Variants in SH3BP5L observed in about 807,000 individuals in gnomAD.
SH3BP5L encodes the protein SH3 domain-binding protein 5-like.
A neutral mutation model predicts 40.9 loss-of-function variants in SH3BP5L; 16 were observed. The observed-to-expected ratio is 0.39, with a 90% CI of 0.27 to 0.59. The LOEUF (loss-of-function observed/expected upper bound fraction) is 0.59, where lower values mean the gene tolerates loss of function less well. SH3BP5L is among the 20% of genes least tolerant of loss of function. The pLI is 0.53. For missense variants in SH3BP5L, 471 were observed against 544.6 expected (o/e 0.86, Z 1.35); for synonymous variants, 229 against 226.7 (o/e 1.01, Z -0.09).
rs1403344726 is a variant in SH3BP5L, at chr1:248,816,461, C to A, written c.375+73G>T. 2.5e-6 allele frequency: 4 copies of A among 1,589,998 alleles called. No individual in the cohort carries two copies. In the African/African-American group the frequency reaches 5.4e-5, roughly 21 times the overall value. ...AGGGTCTGGTGTTTTGTCTCTCACTCCATATAGAGACAGAAGAATCCAGGG... is the reference window on the plus strand; with the variant it reads ...AGGGTCTGGTGTTTTGTCTCTCACTACATATAGAGACAGAAGAATCCAGGG... On this transcript the variant is annotated intron_variant, in intron 4 of 6. Transcript: ENST00000366472.
Position 248,811,948 on chromosome 1 carries a change from G to C in SH3BP5L, c.1134C>G (p.Ser378Arg). The C allele has an allele frequency of 6.4e-7, 1 of 1,564,146 alleles. No homozygotes were observed. Among genetic ancestry groups the C allele is most frequent in the Admixed American group, 1.9e-5 (1 of 52,126 alleles). The change falls in exon 7 of 7, where the codon AGC becomes AGG. Residue 378 changes from serine to arginine, a missense_variant. Transcript: ENST00000366472. ...LGTRSGGRRG[S>R]DGGARGGRHQ... Reference sequence around the variant, plus strand: ...GCCGACCCCCACGGGCTCCGCCGTCGCTGCCCCGGCGCCCTCCACTCCGCG... The same window carrying C: ...GCCGACCCCCACGGGCTCCGCCGTCCCTGCCCCGGCGCCCTCCACTCCGCG...
At chr1:248,813,253 G>A (rs905146046) in intron 5 of SH3BP5L, 91 bp from the exon 6 acceptor site, 2 of 1,349,364 alleles carry the variant, frequency 1.5e-6, no homozygotes, top group Non-Finnish European at 1.9e-6. Flanking sequence ...GCCCTGGGGG[G>A]AACCCAAACA....
Position 248,813,110 on chromosome 1 carries a change from A to G in SH3BP5L, c.590T>C (p.Val197Ala). 5 of 1,609,852 alleles carry G rather than the reference A, an allele frequency of 3.1e-6. No individual in the cohort carries two copies. The highest frequency in any genetic ancestry group is 2.5e-6 in the Non-Finnish European group (3 of 1,177,972). The change falls in exon 6 of 7, where the codon GTG becomes GCG. Residue 197 changes from valine (V) to alanine (A), a missense_variant. Coordinates refer to ENST00000366472, the MANE Select transcript of SH3BP5L (RefSeq NM_030645.3). ...RLRGEREHQR[V>A]TRLCQQAEAR... Reference sequence around the variant, plus strand: ...CTCAGCCTGTTGGCACAGCCGAGTCACTCGCTGGTGCTCCCGCTCACCTCG... The same window carrying G: ...CTCAGCCTGTTGGCACAGCCGAGTCGCTCGCTGGTGCTCCCGCTCACCTCG...
chr1:248,819,654 G>C (rs926597203), intron 2 of SH3BP5L, among the ~76,000 whole-genome samples: 1 of 132,860 alleles, frequency 7.5e-6, no homozygotes, highest in East Asian at 2.3e-4. Flanking sequence ...AGTGGTCTGA[G>C]ATTGTGCCAC....
chr1:248,825,840 T>C lies in SH3BP5L; in HGVS notation c.-437A>G. 1 of 981,392 alleles carries C rather than the reference T, an allele frequency of 1.0e-6. No homozygotes were observed. The highest frequency in any genetic ancestry group is 1.2e-6 in the Non-Finnish European group (1 of 826,772). The allele number at this position is 981,392 out of a possible 1,614,324, so 60.8% of individuals were successfully genotyped here. A position where few individuals can be genotyped will look rare whatever the true frequency, so the allele number is the denominator to read the frequency against. On this transcript the variant is annotated 5_prime_UTR_variant, in exon 1 of 7. Transcript: ENST00000366472. The stretch of plus-strand genomic sequence containing the variant: ...AGCCCCCCGCACAGCCTTACCTCAG[T>C]TTACCTTCCCGTCCGCGGAGCTTCT...
At position 248,811,947 on chromosome 1, in the gene SH3BP5L, C is replaced by G; in HGVS notation, c.1135G>C (p.Asp379His). 6.4e-7 allele frequency: 1 copy of G among 1,563,738 alleles called. No homozygotes were observed. Among genetic ancestry groups the G allele is most frequent in the East Asian group, 2.3e-5 (1 of 42,674 alleles). Reference sequence around the variant, plus strand: ...TGCCGACCCCCACGGGCTCCGCCGTCGCTGCCCCGGCGCCCTCCACTCCGC... The same window carrying G: ...TGCCGACCCCCACGGGCTCCGCCGTGGCTGCCCCGGCGCCCTCCACTCCGC... ...GTRSGGRRGSDGGARGGRHQR... is the reference protein window; with the variant it reads ...GTRSGGRRGSHGGARGGRHQR... Residue 379 changes from aspartate (D) to histidine (H), a missense_variant, in exon 7 of 7, where the codon GAC (aspartate) becomes CAC (histidine). Coordinates refer to ENST00000366472, the MANE Select transcript of SH3BP5L (RefSeq NM_030645.3).
At chr1:248,818,221 A>G (rs1237496761) in intron 2 of SH3BP5L, among the ~76,000 whole-genome samples, 1 of 152,072 alleles carries the variant, frequency 6.6e-6, no homozygotes, top group Non-Finnish European at 1.5e-5. Flanking sequence ...GGTGGCACAC[A>G]TCTATAATCC....
chr1:248,813,105 G>T lies in SH3BP5L; in HGVS notation c.595C>A (p.Arg199=). 6.2e-7 allele frequency: 1 copy of T among 1,611,272 alleles called. No homozygotes were observed. The highest frequency in any genetic ancestry group is 8.5e-7 in the Non-Finnish European group (1 of 1,178,546). ...CGAGCCTCAGCCTGTTGGCACAGCC[G>T]AGTCACTCGCTGGTGCTCCCGCTCA... ...RGEREHQRVT[R]LCQQAEARVQ... The change falls in exon 6 of 7, where the codon CGG becomes AGG. Residue 199 remains arginine, a synonymous_variant. Coordinates refer to ENST00000366472, the MANE Select transcript of SH3BP5L (RefSeq NM_030645.3).
chr1:248,817,123 C>T, intron 2 of SH3BP5L: 1 of 1,337,020 alleles, frequency 7.5e-7, no homozygotes, highest in East Asian at 2.7e-5. Context: ...AGTAAAACCC[C>T]AGTTTCAAGG....
Position 248,811,917 on chromosome 1 carries a change from G to C in SH3BP5L, c.1165C>G (p.Arg389Gly). Residue 389 changes from arginine to glycine, a missense_variant, in exon 7 of 7, where the codon CGC becomes GGC. Physicochemically the swap from Arg to Gly is moderately radical, Grantham distance 125. Coordinates refer to ENST00000366472, the MANE Select transcript of SH3BP5L (RefSeq NM_030645.3). ...CCCCTCGGCTACAGGCTGACGCTGC[G>C]CTGGTGCCGACCCCCACGGGCTCCG... ...DGGARGGRHQ[R>G]SVSL 1.3e-6 allele frequency: 2 copies of C among 1,537,962 alleles called. No homozygotes were observed. The highest frequency in any genetic ancestry group is 8.8e-7 in the Non-Finnish European group (1 of 1,140,074).
At chr1:248,824,121 G>C (rs1303725964) in intron 2 of SH3BP5L, among the ~76,000 whole-genome samples, 3 of 152,154 alleles carry the variant, frequency 2.0e-5, no homozygotes, top group East Asian at 1.9e-4. Context: ...ACTATCCTGA[G>C]GGCCAGGTAT....
rs762518138 is a variant in SH3BP5L at position 248,812,098 on chromosome 1, G to T, written c.984C>A (p.Pro328=). 1.6e-5 allele frequency: 25 copies of T among 1,611,524 alleles called. No individual in the cohort carries two copies. The highest frequency in any genetic ancestry group is 2.0e-5 in the Non-Finnish European group (23 of 1,178,824). ...EGSSLGPGPA[P]DTDTLSLLSL... is the part of the protein sequence containing the mutation. Reference sequence around the variant, plus strand: ...TCAGCAGACTCAGGGTATCGGTGTCGGGGGCGGGGCCGGGCCCCAGGCTGC... The same window carrying T: ...TCAGCAGACTCAGGGTATCGGTGTCTGGGGCGGGGCCGGGCCCCAGGCTGC... The change falls in exon 7 of 7, where the codon CCC becomes CCA. Residue 328 remains proline (P), a synonymous_variant. Coordinates refer to ENST00000366472, the MANE Select transcript of SH3BP5L (RefSeq NM_030645.3). This position sits in a 1 kb window ranked among gnomAD's most constrained non-coding sequence, Gnocchi z 6.1.
chr1:248,820,897 G>C (rs1664240351), intron 2 of SH3BP5L: 1 of 152,246 alleles, frequency 6.6e-6, no homozygotes, highest in African/African-American at 2.4e-5. Flanking sequence ...GGATGGCTCA[G>C]CATAAGTTGT....
In SH3BP5L at chr1:248,825,135, G is replaced by A; in HGVS notation, c.-200C>T. The A allele has an allele frequency of 2.9e-6, 4 of 1,378,502 alleles. No individual in the cohort carries two copies. Among genetic ancestry groups the A allele is most frequent in the Non-Finnish European group, 3.7e-6 (4 of 1,069,882 alleles). 85.4% of individuals were successfully genotyped at this position (1,378,502 alleles called of 1,614,324 possible). ...AGTTGTCAGTGGGGTTCCTAGAGCT[G>A]AAGCCTTGTCTGTGCAAAAGTTCTT... On this transcript the variant is annotated 5_prime_UTR_variant, in exon 2 of 7. Transcript: ENST00000366472.
chr1:248,819,389 T>A, intron 2 of SH3BP5L, among the ~76,000 whole-genome samples: 1 of 146,118 alleles, frequency 6.8e-6, no homozygotes. Context: ...TAACTACAGC[T>A]GATGAGCTTA....
In SH3BP5L at chr1:248,825,881, T is replaced by TGGGG; in HGVS notation, c.-479_-478insCCCC. The TGGGG allele has an allele frequency of 1.1e-6, 1 of 941,906 alleles. No homozygotes were observed. Among genetic ancestry groups the TGGGG allele is most frequent in the Non-Finnish European group, 1.3e-6 (1 of 794,254 alleles). The allele number at this position is 941,906 out of a possible 1,614,324, so 58.3% of individuals were successfully genotyped here. On this transcript the variant is annotated 5_prime_UTR_variant, in exon 1 of 7. Transcript: ENST00000366472. ...CGGAGCTTCTATGCTGCAAACAATC[T>TGGGG]CCCCCCCTCCCTCCCCGCAACAAGC...
At chr1:248,815,091 C>T (rs894268592) in intron 4 of SH3BP5L, among the ~76,000 whole-genome samples, 10 of 152,116 alleles carry the variant, frequency 6.6e-5, no homozygotes, top group Admixed American at 3.3e-4. Flanking sequence ...TATAGGACAT[C>T]GGTTAAATAA....
chr1:248,814,881 GGGAAAACAAA>G (rs1365211675), intron 4 of SH3BP5L: 6 of 565,142 alleles, frequency 1.1e-5, no homozygotes, highest in Non-Finnish European at 2.0e-5. Context: ...TTTTCCCCTA[GGGAAAACAAA>G]GGAAAACACA....
At chr1:248,814,755 C>T (rs756219604) in intron 4 of SH3BP5L, 145 bp from the exon 5 acceptor site, 18 of 797,984 alleles carry the variant, frequency 2.3e-5, no homozygotes, top group Non-Finnish European at 3.9e-5. Flanking sequence ...AGGATAAATG[C>T]CAAGGAAGCA....
Sources: allele counts gnomAD v4.1 joint callset (sites outside exome capture counted in the v4.1 genomes callset), GRCh38; gene constraint gnomAD v4.1.1; non-coding constraint Gnocchi (gnomAD v3.1); transcripts MANE v1.5; gene names NCBI Gene and HGNC (gene_info 2026-07-23, HGNC 2026-07-21).